Variants in CFAP221 observed in about 807,000 individuals in gnomAD.
The protein encoded by CFAP221 is cilia and flagella associated protein 221.
A neutral mutation model predicts 113.1 loss-of-function variants in CFAP221; 97 were observed. The ratio of observed to expected loss-of-function variants is 0.86; its 90% confidence interval spans 0.73 to 1.02. The LOEUF (loss-of-function observed/expected upper bound fraction) is 1.02. CFAP221 is among the 50% of genes least tolerant of loss of function. CFAP221 has a pLI of 0.00. For synonymous variants in CFAP221, 331 were observed against 354.4 expected, an observed-to-expected ratio of 0.93 and a Z score of 0.74; for missense variants, 1,025 against 1,013.4, an observed-to-expected ratio of 1.01 and a Z score of -0.16.
rs889516474 is a variant in CFAP221, at chr2:119,625,715, A to T, written c.1516+27A>T. 2.6e-6 allele frequency: 4 copies of T among 1,545,372 alleles called. No individual in the cohort carries two copies. The African/African-American group carries it at 5.4e-5, about 21-fold the overall frequency. ...TGAAGTATGGCTGCAAAGCACAGAG[A>T]TGCCGAGACTGATCATGCCTCTGAG... is the stretch of plus-strand genomic sequence containing the variant. On this transcript the variant is annotated intron_variant, in intron 15 of 23. Transcript: ENST00000413369.
chr2:119,647,972 A>G (rs997759212), intron 22 of CFAP221, among the ~76,000 whole-genome samples: 1 of 152,120 alleles, frequency 6.6e-6, no homozygotes, highest in Non-Finnish European at 1.5e-5. Context: ...CACCACCACC[A>G]CCGCCACTCA....
intron 7 of CFAP221, among the ~76,000 whole-genome samples, chr2:119,594,387 C>A (rs944009907): frequency 6.6e-6 from 1 of 151,924 alleles, no homozygotes; most frequent in Non-Finnish European, 1.5e-5. Context: ...AGGTGTGCAC[C>A]AACACGCCCG....
chr2:119,631,860 TAAG>T (rs555278904), intron 19 of CFAP221, among the ~76,000 whole-genome samples: 5 of 152,302 alleles, frequency 3.3e-5, no homozygotes, highest in South Asian at 4.1e-4. Context: ...TTTAAAAAGA[TAAG>T]AAGTTAATAT....
intron 21 of CFAP221, among the ~76,000 whole-genome samples, chr2:119,640,641 T>C (rs1687427784): frequency 6.6e-6 from 1 of 152,144 alleles, no homozygotes; most frequent in Non-Finnish European, 1.5e-5. Flanking sequence ...TCATCAGCTG[T>C]CAAACAAAGT....
chr2:119,611,076 C>T (rs1205594525), intron 12 of CFAP221, among the ~76,000 whole-genome samples: 1 of 152,102 alleles, frequency 6.6e-6, no homozygotes, highest in Non-Finnish European at 1.5e-5. Flanking sequence ...CCAGGAAGAC[C>T]TGTCAGCTTC....
chr2:119,560,976 A>G (rs1427458958), intron 5 of CFAP221, among the ~76,000 whole-genome samples: 1 of 151,856 alleles, frequency 6.6e-6, no homozygotes, highest in Non-Finnish European at 1.5e-5. Flanking sequence ...GACCATTATT[A>G]TTTTTTTGGA....
At chr2:119,599,620 C>T (rs1009710648) in intron 7 of CFAP221, among the ~76,000 whole-genome samples, 2 of 152,116 alleles carry the variant, frequency 1.3e-5, no homozygotes, top group Admixed American at 6.5e-5. Context: ...CCAGCAGGAG[C>T]CAATGAAAAG....
intron 6 of CFAP221, among the ~76,000 whole-genome samples, chr2:119,582,190 T>C (rs957288081): frequency 6.6e-6 from 1 of 152,196 alleles, no homozygotes; most frequent in Non-Finnish European, 1.5e-5. Context: ...GAAAAACATA[T>C]TTGGAAAGTA....
At chr2:119,626,115 A>C (rs778709718) in intron 15 of CFAP221, among the ~76,000 whole-genome samples, 2 of 152,138 alleles carry the variant, frequency 1.3e-5, no homozygotes, top group African/African-American at 2.4e-5. Flanking sequence ...TCCTTGGCTT[A>C]TGGCCCCTTC....
intron 18 of CFAP221, 37 bp downstream of exon 18, chr2:119,630,714 T>C: frequency 6.2e-7 from 1 of 1,605,760 alleles, no homozygotes. Context: ...TCTCTCATCT[T>C]TTCCCTCTTA....
chr2:119,625,012 A>C (rs1425469493), intron 14 of CFAP221, among the ~76,000 whole-genome samples: 1 of 151,808 alleles, frequency 6.6e-6, no homozygotes, highest in Non-Finnish European at 1.5e-5. Context: ...CAGAACTTAC[A>C]GTATATATTA....
chr2:119,609,550 C>T (rs1685009234), intron 12 of CFAP221, among the ~76,000 whole-genome samples: 1 of 152,186 alleles, frequency 6.6e-6, no homozygotes, highest in African/African-American at 2.4e-5. Flanking sequence ...TCCTCTGTGT[C>T]TGTGTCCTAA....
rs749967169 is a variant in CFAP221 at position 119,656,421 on chromosome 2, T to G, written c.2474T>G (p.Met825Arg). 1 of 1,613,848 alleles carries G rather than the reference T, an allele frequency of 6.2e-7. No homozygotes were observed. The highest frequency in any genetic ancestry group is 1.1e-5 in the South Asian group (1 of 91,064). ...GCCGGAGAGAAGCTGCTCGAGGAGA[T>G]GAGGAACCTGCGGGGCAAAGCACTC... ...EKAGEKLLEE[M>R]RNLRGKALNT... The change falls in exon 24 of 24, where the codon ATG becomes AGG. Residue 825 changes from methionine to arginine, a missense_variant. Coordinates refer to ENST00000413369, the MANE Select transcript of CFAP221 (RefSeq NM_001271049.2).
At chr2:119,584,345 T>G (rs11685894) in intron 6 of CFAP221, among the ~76,000 whole-genome samples, 28,767 of 152,112 alleles carry the variant, frequency 0.19, 2,902 homozygotes, top group African/African-American at 0.25. Flanking sequence ...CCAGCACTTT[T>G]GGTGGCCAAG....
rs905832505 is a variant in CFAP221, at chr2:119,625,624, T to A, written c.1452T>A (p.Val484=). The change falls in exon 15 of 24, where the codon GTT becomes GTA. Residue 484 remains valine, a synonymous_variant. Transcript: ENST00000413369. ...QGRLFNMLSA[V]REMDKESILR... The stretch of plus-strand genomic sequence containing the variant: ...GATTATTCAATATGCTGAGTGCTGT[T>A]CGTGAAATGGACAAAGAGAGTATAC... The A allele has an allele frequency of 2.5e-6, 4 of 1,613,804 alleles. No individual in the cohort carries two copies. The highest frequency in any genetic ancestry group is 3.4e-6 in the Non-Finnish European group (4 of 1,179,808).
downstream of CFAP221, among the ~76,000 whole-genome samples, chr2:119,659,017 A>G (rs1006957989): frequency 6.6e-6 from 1 of 151,936 alleles, no homozygotes; most frequent in African/African-American, 2.4e-5. Context: ...AAGAAAAAAA[A>G]AAAAACGCAT....
chr2:119,624,747 A>T (rs767169769), intron 14 of CFAP221, among the ~76,000 whole-genome samples: 92 of 152,190 alleles, frequency 6.0e-4, no homozygotes, highest in Non-Finnish European at 1.1e-3. Context: ...AGAAATCATC[A>T]TTCTTAGCAA....
intron 19 of CFAP221, among the ~76,000 whole-genome samples, chr2:119,632,207 G>GA (rs936139492): frequency 1.3e-5 from 2 of 150,994 alleles, no homozygotes; most frequent in South Asian, 4.2e-4. Flanking sequence ...GATATTACAG[G>GA]AAAAAAAAGA....
At chr2:119,583,332 A>G (rs568745585) in intron 6 of CFAP221, among the ~76,000 whole-genome samples, 4 of 151,906 alleles carry the variant, frequency 2.6e-5, no homozygotes, top group East Asian at 3.9e-4. Context: ...GAAGTCTTCA[A>G]TGCAATGATC....
Sources: gnomAD v4.1 joint callset for allele counts (sites outside exome capture counted in the v4.1 genomes callset) on GRCh38, gnomAD v4.1.1 for gene constraint, MANE v1.5 for transcripts, NCBI Gene and HGNC (gene_info 2026-07-23, HGNC 2026-07-21) for gene names.